ANK1: variants seen among roughly 807,000 people sequenced by gnomAD.
The protein encoded by ANK1 is ankyrin-1.
In ANK1, 51 loss-of-function variants were observed where a neutral mutation model predicts 210.4. The observed-to-expected ratio is 0.24, with a 90% confidence interval of 0.19 to 0.31. ANK1 has a LOEUF of 0.31. Among genes scored for constraint, ANK1 ranks in the 10% least tolerant of loss-of-function variants. The pLI is 1.00. For missense variants in ANK1, 2,051 were observed against 2,504.4 expected (o/e 0.82, Z 3.86); for synonymous variants, 967 against 1,025.9 (o/e 0.94, Z 1.10).
intron 1 of ANK1, among the ~76,000 whole-genome samples, chr8:41,834,021 C>G (rs1391416345): frequency 6.6e-6 from 1 of 152,198 alleles, no homozygotes; most frequent in Non-Finnish European, 1.5e-5. Context: ...ACATGGGGAA[C>G]ATGGTGTGGC....
intron 1 of ANK1, among the ~76,000 whole-genome samples, chr8:41,891,747 G>A (rs1230490303): frequency 7.2e-5 from 11 of 152,226 alleles, no homozygotes; most frequent in Non-Finnish European, 1.5e-4. Context: ...GAGCTCCAGA[G>A]AGGCAGGCCC....
Position 41,693,997 on chromosome 8 carries a change from T to A in ANK1, c.3433A>T (p.Ile1145Phe), listed in dbSNP as rs775578121. The change falls in exon 29 of 43, where the codon ATT (isoleucine) becomes TTT (phenylalanine). Residue 1145 changes from isoleucine to phenylalanine, a missense_variant. This residue lies in a region of ANK1 where 1,413 missense variants were observed against 1,707.4 expected (regional missense o/e 0.83). Coordinates refer to ENST00000289734, the MANE Select transcript of ANK1 (RefSeq NM_000037.4). ...EPRRRKFHRP[I>F]GLRIPLPPSW... The stretch of plus-strand genomic sequence containing the variant: ...GGAGGTAGTGGGATCCGAAGCCCAA[T>A]GGGGCGGTGGAACTTCCGGCGCCGG... 5 of 1,614,024 alleles carry A rather than the reference T, an allele frequency of 3.1e-6. No individual in the cohort carries two copies. The South Asian group carries it at 4.4e-5, about 14-fold the overall frequency.
At chr8:41,800,134 A>G (rs1258009346), upstream of ANK1, among the ~76,000 whole-genome samples, 1 of 152,160 alleles carries the variant, frequency 6.6e-6, no homozygotes, top group Admixed American at 6.5e-5. Flanking sequence ...CTCCCGGATT[A>G]TGAGAACACC....
rs757713272 is a variant in ANK1, at chr8:41,719,772, G to A, written c.996C>T (p.Asp332=). 3.0e-5 allele frequency: 49 copies of A among 1,614,062 alleles called. No homozygotes were observed. The highest frequency in any genetic ancestry group is 8.3e-5 in the Admixed American group (5 of 60,010). ...RLLLQYDAEI[D]DITLDHLTPL... is the part of the protein sequence containing the mutation. ...GGGTCAGGTGGTCCAGGGTGATGTC[G>A]TCTATCTCTGCGTCGTATTGCAACA... The change falls in exon 10 of 43, where the codon GAC becomes GAT. Residue 332 remains aspartate, a synonymous_variant. Transcript: ENST00000289734.
chr8:41,708,979 A>G lies in ANK1; in HGVS notation c.1801-4T>C. ...TGTGCAAAGGGGTGTAGCCATTCTG[A>G]AACAGAAGAAGCCGCCCAGAGCCTG... On this transcript the variant is annotated splice_polypyrimidine_tract_variant and splice_region_variant and intron_variant, in intron 16 of 42. Transcript: ENST00000289734. 1 of 1,613,832 alleles carries G rather than the reference A, an allele frequency of 6.2e-7. No individual in the cohort carries two copies. The highest frequency in any genetic ancestry group is 8.5e-7 in the Non-Finnish European group (1 of 1,180,044).
At chr8:41,816,412 T>A (rs1803342163) in intron 1 of ANK1, among the ~76,000 whole-genome samples, 1 of 152,190 alleles carries the variant, frequency 6.6e-6, no homozygotes, top group Non-Finnish European at 1.5e-5. Flanking sequence ...TCTGAAGACT[T>A]GCCTGTTTTA....
intron 1 of ANK1, among the ~76,000 whole-genome samples, chr8:41,818,319 T>C (rs1803655571): frequency 6.6e-6 from 1 of 152,008 alleles, no homozygotes; most frequent in Non-Finnish European, 1.5e-5. Context: ...GACCAGGGAG[T>C]TGTGGATATA....
chr8:41,672,843 C>G lies in ANK1; in HGVS notation c.4607G>C (p.Arg1536Pro), dbSNP rs767213092. ...CACCTCATTCCAGTACTGGTCTGCA[C>G]GTAGCGGAGAGGAAAGTGCACAGCC... ...SLGCALSSPLRADQYWNEVAV... is the reference protein window; with the variant it reads ...SLGCALSSPLPADQYWNEVAV... Residue 1536 changes from arginine to proline, a missense_variant, in exon 38 of 43, where the codon CGT becomes CCT. Physicochemically the swap from Arg to Pro is moderately radical, Grantham distance 103 (BLOSUM62 -2). This residue lies in a region of ANK1 where 496 missense variants were observed against 533.4 expected (regional missense o/e 0.93). Transcript: ENST00000289734. 56 of 1,611,638 alleles carry G rather than the reference C, an allele frequency of 3.5e-5. No individual in the cohort carries two copies. In the South Asian group the frequency reaches 5.4e-4, roughly 16 times the overall value.
At chr8:41,810,310 A>C (rs893366707) in intron 1 of ANK1, among the ~76,000 whole-genome samples, 7 of 152,256 alleles carry the variant, frequency 4.6e-5, no homozygotes, top group African/African-American at 1.7e-4. Flanking sequence ...TGCACAACTT[A>C]GCTGAAGAAT....
At chr8:41,775,571 G>T (rs1843847591) in intron 1 of ANK1, among the ~76,000 whole-genome samples, 1 of 152,172 alleles carries the variant, frequency 6.6e-6, no homozygotes, top group African/African-American at 2.4e-5. Flanking sequence ...GAACTGATTT[G>T]AAGATAATAA....
At chr8:41,723,364 T>C in intron 8 of ANK1, 141 bp from the exon 9 acceptor site, 1 of 1,173,748 alleles carries the variant, frequency 8.5e-7, no homozygotes, top group Non-Finnish European at 1.3e-6. Flanking sequence ...CAGCACAGTT[T>C]TACTATTGCC....
intron 2 of ANK1, among the ~76,000 whole-genome samples, chr8:41,756,491 G>T (rs1239778847): frequency 6.6e-6 from 1 of 150,980 alleles, no homozygotes; most frequent in East Asian, 1.9e-4. Flanking sequence ...CACCCAGGCT[G>T]GAGTGCAATG....
At chr8:41,723,792 ATTT>A (rs1201907717) in intron 7 of ANK1, among the ~76,000 whole-genome samples, 159 bp from the exon 8 acceptor site, 1 of 140,084 alleles carries the variant, frequency 7.1e-6, no homozygotes, top group Non-Finnish European at 1.6e-5. Context: ...TTTATTTTTT[ATTT>A]TTTTTTTTTT....
intron 1 of ANK1, among the ~76,000 whole-genome samples, chr8:41,858,040 C>T (rs1812543974): frequency 1.3e-5 from 2 of 152,148 alleles, no homozygotes; most frequent in Non-Finnish European, 2.9e-5. Context: ...CCATCCTGGA[C>T]AACATAGCAA....
intron 1 of ANK1, among the ~76,000 whole-genome samples, chr8:41,822,132 GAGAAAGAA>G (rs71239083): frequency 0.13 from 5,287 of 40,564 alleles, 213 homozygotes; most frequent in South Asian, 0.17. Context: ...GAGAAAGAAA[GAGAAAGAA>G]AGAAAGAAAG....
At chr8:41,894,773 C>A (rs371287042) in intron 1 of ANK1, among the ~76,000 whole-genome samples, 1 of 151,788 alleles carries the variant, frequency 6.6e-6, no homozygotes, top group African/African-American at 2.4e-5. Flanking sequence ...AGCATCGCAG[C>A]GTAGAGCCAG....
intron 26 of ANK1, 67 bp downstream of exon 26, chr8:41,696,296 G>A (rs1820911697): frequency 1.9e-6 from 3 of 1,555,584 alleles, no homozygotes; most frequent in South Asian, 1.1e-5. Flanking sequence ...CATCAGGACA[G>A]ATGGAAATGG....
In ANK1 at chr8:41,703,422, G is replaced by GTATA. The variant is rs57077078; in HGVS notation, c.2295+615_2295+618dup. Among the ~76,000 whole-genome samples the GTATA allele has an allele frequency of 1.5e-3, 82 of 53,754 alleles. 3 individuals carry two copies. The highest frequency in any genetic ancestry group is 0.013 in the Middle Eastern group (1 of 76). 35.3% of individuals were successfully genotyped at this position (53,754 alleles called of 152,430 possible). Reference sequence around the variant, plus strand: ...TATATGTGTGTGTGTGTGTGTGTGTGTATATATATATATATATATATATAT... The same window carrying GTATA: ...TATATGTGTGTGTGTGTGTGTGTGTGTATATATATATATATATATATATATATAT... On this transcript the variant is annotated intron_variant, in intron 20 of 42. Coordinates refer to ENST00000289734, the MANE Select transcript of ANK1 (RefSeq NM_000037.4).
At chr8:41,701,487 C>A in intron 22 of ANK1, 63 bp downstream of exon 22, 3 of 1,516,664 alleles carry the variant, frequency 2.0e-6, no homozygotes, top group Non-Finnish European at 2.7e-6. Flanking sequence ...GCAGGAAGCC[C>A]CCTTGGAGGG....
Sources: gnomAD v4.1 joint callset for allele counts (sites outside exome capture counted in the v4.1 genomes callset) on GRCh38, gnomAD v4.1.1 for gene constraint, gnomAD v4.1.1 regional missense constraint, MANE v1.5 for transcripts, NCBI Gene and HGNC (gene_info 2026-07-23, HGNC 2026-07-21) for gene names.